Variants in GABRR3 observed in about 807,000 individuals in gnomAD.
GABRR3 encodes gamma-aminobutyric acid receptor subunit rho-3.
Under a neutral mutation model 43.2 loss-of-function variants are expected in GABRR3, and 29 were observed. The observed-to-expected ratio is 0.67, with a 90% CI of 0.50 to 0.92. GABRR3 has a LOEUF of 0.92. Among genes scored for constraint, GABRR3 ranks in the 40% least tolerant of loss-of-function variants. The pLI is 0.00. For missense variants in GABRR3, 576 were observed against 572.3 expected, an observed-to-expected ratio of 1.01 and a Z score of -0.07; for synonymous variants, 206 against 195.9, an observed-to-expected ratio of 1.05 and a Z score of -0.43.
rs552130734 is a variant in GABRR3 at position 98,016,471 on chromosome 3, G to A, written c.306+1184C>T. 1.2e-4 allele frequency among the ~76,000 whole-genome samples: 19 copies of A among 152,128 alleles called. 1 individual carries two copies. Among genetic ancestry groups the A allele is most frequent in the African/African-American group, 4.1e-4 (17 of 41,522 alleles). ...GAGGCCCTCACCAGGAGCAGATGGCGGTGTCATGCTCCTTGTATGGCCTGC... is the reference window on the plus strand; with the variant it reads ...GAGGCCCTCACCAGGAGCAGATGGCAGTGTCATGCTCCTTGTATGGCCTGC... On this transcript the variant is annotated intron_variant, in intron 4 of 9. Coordinates refer to ENST00000621172, the Ensembl canonical transcript of GABRR3.
intron 7 of GABRR3, 108 bp downstream of exon 7, chr3:98,007,656 G>T: frequency 1.7e-6 from 2 of 1,191,568 alleles, no homozygotes; most frequent in Non-Finnish European, 1.2e-6. Flanking sequence ...GATGGTGCTG[G>T]CCAAAGGGGA....
chr3:98,013,207 C>T (rs1706829136), intron 4 of GABRR3, among the ~76,000 whole-genome samples: 2 of 152,174 alleles, frequency 1.3e-5, no homozygotes, highest in South Asian at 2.1e-4. Context: ...GTTGAAATGG[C>T]ACATTTCCCA....
At chr3:98,018,565 T>C (rs1706901371) in intron 3 of GABRR3, among the ~76,000 whole-genome samples, 1 of 152,098 alleles carries the variant, frequency 6.6e-6, no homozygotes, top group Non-Finnish European at 1.5e-5. Context: ...TTTCACCACT[T>C]CCAGTGTGAG....
intron 3 of GABRR3, among the ~76,000 whole-genome samples, chr3:98,024,734 G>A (rs374116571): frequency 1.3e-5 from 2 of 152,286 alleles, no homozygotes; most frequent in South Asian, 2.1e-4. Context: ...GAAGTGGAAG[G>A]CTCCATCAAT....
At chr3:98,009,132 T>C in intron 5 of GABRR3, 94 bp from the exon 6 acceptor site, 2 of 770,610 alleles carry the variant, frequency 2.6e-6, no homozygotes, top group Non-Finnish European at 4.3e-6. Flanking sequence ...GTTTGCTGGT[T>C]CTGTGTGTCT....
At chr3:98,013,072 G>A (rs780762407) in intron 4 of GABRR3, among the ~76,000 whole-genome samples, 7 of 152,124 alleles carry the variant, frequency 4.6e-5, no homozygotes, top group Non-Finnish European at 8.8e-5. Context: ...AGAGCTATTC[G>A]TGTAAAGCAA....
intron 4 of GABRR3, among the ~76,000 whole-genome samples, chr3:98,013,718 A>T (rs574168737): frequency 1.3e-5 from 2 of 152,346 alleles, no homozygotes; most frequent in Non-Finnish European, 2.9e-5. Flanking sequence ...TAGGAACATT[A>T]GCCATGTGTA....
intron 9 of GABRR3, among the ~76,000 whole-genome samples, chr3:97,992,300 T>C (rs1160476907): frequency 6.6e-6 from 1 of 152,068 alleles, no homozygotes; most frequent in Non-Finnish European, 1.5e-5. Flanking sequence ...ATTTATTGGT[T>C]GAGAGCACAC....
intron 6 of GABRR3, among the ~76,000 whole-genome samples, chr3:98,008,113 G>C (rs55747833): frequency 1.1e-4 from 16 of 152,174 alleles, no homozygotes; most frequent in Admixed American, 3.3e-4. Flanking sequence ...AGACCCTGAT[G>C]ACTAGTATAG....
At chr3:98,015,928 G>T (rs1185399904) in intron 4 of GABRR3, among the ~76,000 whole-genome samples, 1 of 152,172 alleles carries the variant, frequency 6.6e-6, no homozygotes, top group African/African-American at 2.4e-5. Flanking sequence ...ATAAAGAAAA[G>T]AGGTTTAATT....
At chr3:98,025,757 G>A (rs113723245) in intron 2 of GABRR3, 78 bp from the exon 3 acceptor site, 6 of 885,920 alleles carry the variant, frequency 6.8e-6, no homozygotes, top group Non-Finnish European at 1.1e-5. Context: ...AGCCATCTGT[G>A]CTCAACATAA....
At chr3:98,021,977 G>A (rs1576048732) in intron 3 of GABRR3, among the ~76,000 whole-genome samples, 1 of 152,278 alleles carries the variant, frequency 6.6e-6, no homozygotes, top group African/African-American at 2.4e-5. Flanking sequence ...TACTCAGAGA[G>A]GTTACAACAC....
intron 3 of GABRR3, among the ~76,000 whole-genome samples, chr3:98,024,753 A>C (rs1706991099): frequency 6.6e-6 from 1 of 152,228 alleles, no homozygotes; most frequent in Non-Finnish European, 1.5e-5. Context: ...ATGAAAGAAG[A>C]ATCAGGATGG....
At chr3:98,019,232 C>T (rs564557289) in intron 3 of GABRR3, among the ~76,000 whole-genome samples, 317 of 152,298 alleles carry the variant, frequency 2.1e-3, no homozygotes, top group African/African-American at 7.2e-3. Context: ...GAGGCTGAGG[C>T]TACGTAATGC....
intron 2 of GABRR3, among the ~76,000 whole-genome samples, chr3:98,026,425 G>A (rs1443827175): frequency 6.6e-6 from 1 of 152,140 alleles, no homozygotes; most frequent in African/African-American, 2.4e-5. Flanking sequence ...GTGTCGGTGA[G>A]CTTGAGCAGG....
chr3:98,020,457 CAAAAAAA>C (rs745684367), intron 3 of GABRR3, among the ~76,000 whole-genome samples: 7 of 100,594 alleles, frequency 7.0e-5, no homozygotes, highest in Non-Finnish European at 1.4e-4. Flanking sequence ...GTCCAATCTT[CAAAAAAA>C]AAAAAAAAAA....
exon 10 of GABRR3, chr3:97,986,884 T>G (rs1474732055): frequency 6.2e-7 from 1 of 1,611,990 alleles, no homozygotes; most frequent in East Asian, 2.2e-5. Context: ...CTTCTGAGTT[T>G]AGAGAGAGGG....
At chr3:98,021,233 C>T (rs923330795) in intron 3 of GABRR3, among the ~76,000 whole-genome samples, 2 of 152,166 alleles carry the variant, frequency 1.3e-5, no homozygotes, top group African/African-American at 2.4e-5. Flanking sequence ...AACTGTATTA[C>T]GCTCTAGCAT....
At chr3:97,993,985 A>G (rs1576036040) in intron 8 of GABRR3, among the ~76,000 whole-genome samples, 2 of 152,222 alleles carry the variant, frequency 1.3e-5, no homozygotes, top group South Asian at 4.1e-4. Flanking sequence ...TCTCAGAGGG[A>G]TATTGCCAGA....
Sources: allele counts gnomAD v4.1 joint callset (sites outside exome capture counted in the v4.1 genomes callset), GRCh38; gene constraint gnomAD v4.1.1; transcripts MANE v1.5; gene names NCBI Gene and HGNC (gene_info 2026-07-23, HGNC 2026-07-21).